The following ESYT2 variants were observed in gnomAD, a reference collection of about 807,000 sequenced individuals.
ESYT2 encodes the protein extended synaptotagmin-2.
Under a neutral mutation model 107.2 loss-of-function variants are expected in ESYT2, and 54 were observed. That is an observed-to-expected ratio of 0.50 (90% CI 0.40 to 0.63). The LOEUF is 0.63. Ranked by LOEUF, ESYT2 falls within the 30% of genes least tolerant of loss-of-function variation. ESYT2 has a pLI of 0.00. For missense variants in ESYT2, 1,020 were observed against 1,094.5 expected, an observed-to-expected ratio of 0.93 and a Z score of 0.96; for synonymous variants, 491 against 434.1, an observed-to-expected ratio of 1.13 and a Z score of -1.63.
intron 1 of ESYT2, among the ~76,000 whole-genome samples, chr7:158,811,846 C>CT (rs1238359294): frequency 3.3e-5 from 5 of 152,198 alleles, no homozygotes; most frequent in Admixed American, 1.3e-4. Flanking sequence ...GCCAAGATCC[C>CT]TGAAAGAGGA....
Position 158,829,445 on chromosome 7 carries a change from C to T in ESYT2, c.-27G>A. 1.7e-6 allele frequency: 2 copies of T among 1,188,916 alleles called. No homozygotes were observed. Among genetic ancestry groups the T allele is most frequent in the South Asian group, 4.0e-5 (1 of 25,188 alleles). 73.6% of individuals were successfully genotyped at this position (1,188,916 alleles called of 1,614,324 possible). On this transcript the variant is annotated 5_prime_UTR_variant, in exon 1 of 23. Transcript: ENST00000275418. ...GCCCCGCAGTGCCGCGCTGCCCTCC[C>T]GGCCGAGGCGGGCTGGGTGCTCGCG... is the stretch of plus-strand genomic sequence containing the variant.
intron 6 of ESYT2, among the ~76,000 whole-genome samples, chr7:158,781,848 CAA>C (rs1017149722): frequency 1.4e-4 from 20 of 143,042 alleles, no homozygotes; most frequent in Non-Finnish European, 2.7e-4. Flanking sequence ...TGTGTGTGAA[CAA>C]AGTGAGGTGT....
intron 15 of ESYT2, 60 bp downstream of exon 15, chr7:158,749,589 G>A: frequency 1.9e-6 from 3 of 1,545,172 alleles, no homozygotes; most frequent in Non-Finnish European, 2.7e-6. Flanking sequence ...AGGTGAGACG[G>A]CAACACGGAC....
At chr7:158,827,900 G>C (rs1462868656) in intron 1 of ESYT2, among the ~76,000 whole-genome samples, 1 of 152,182 alleles carries the variant, frequency 6.6e-6, no homozygotes, top group Admixed American at 6.5e-5. Flanking sequence ...TCATGGCTAA[G>C]AAAGAATTAG....
At chr7:158,736,612 GTTTT>G (rs1294195912) in intron 20 of ESYT2, among the ~76,000 whole-genome samples, 2 of 145,124 alleles carry the variant, frequency 1.4e-5, no homozygotes, top group East Asian at 4.4e-4. Context: ...TTTTCATTAT[GTTTT>G]TTATTTTTGG....
intron 1 of ESYT2, among the ~76,000 whole-genome samples, chr7:158,811,771 C>A (rs1486356053): frequency 6.6e-6 from 1 of 152,160 alleles, no homozygotes; most frequent in African/African-American, 2.4e-5. Context: ...GGTTTATGGA[C>A]GTCTCAGGAG....
intron 14 of ESYT2, among the ~76,000 whole-genome samples, chr7:158,752,024 T>C (rs1054258893): frequency 6.6e-6 from 1 of 152,238 alleles, no homozygotes; most frequent in Non-Finnish European, 1.5e-5. Context: ...TCCTGCACTT[T>C]TGAAATCTAA....
chr7:158,808,858 C>CA (rs923827142), intron 1 of ESYT2, among the ~76,000 whole-genome samples: 1 of 148,928 alleles, frequency 6.7e-6, no homozygotes, highest in Non-Finnish European at 1.5e-5. Flanking sequence ...CCTGTAGTCC[C>CA]AGCTACTTGG....
At chr7:158,822,022 C>T (rs745703110) in intron 1 of ESYT2, among the ~76,000 whole-genome samples, 5 of 152,142 alleles carry the variant, frequency 3.3e-5, no homozygotes, top group African/African-American at 1.2e-4. Flanking sequence ...CTTCTAACTA[C>T]TCTGAGCAGA....
chr7:158,798,208 T>C (rs953095556), intron 2 of ESYT2, 132 bp from the exon 3 acceptor site: 10 of 935,502 alleles, frequency 1.1e-5, no homozygotes, highest in African/African-American at 5.0e-5. Context: ...CTTGTTGTTA[T>C]GCAAAATCAA....
chr7:158,829,070 G>A lies in ESYT2; in HGVS notation c.330+19C>T, dbSNP rs1584897282. 35 of 1,578,914 alleles carry A rather than the reference G, an allele frequency of 2.2e-5. No homozygotes were observed. The highest frequency in any genetic ancestry group is 2.6e-5 in the Non-Finnish European group (31 of 1,172,208). On this transcript the variant is annotated intron_variant, in intron 1 of 22. Transcript: ENST00000275418. The stretch of plus-strand genomic sequence containing the variant: ...GGACTGGTGGTCAGGGGTCGGGACG[G>A]GCAGGGGTCTGCACTCACCCAGGCG...
chr7:158,764,638 GC>G, intron 9 of ESYT2, 38 bp downstream of exon 9: 1 of 1,602,684 alleles, frequency 6.2e-7, no homozygotes, highest in African/African-American at 1.3e-5. Flanking sequence ...TCAGGGCTCA[GC>G]CCACCACCCC....
intron 6 of ESYT2, among the ~76,000 whole-genome samples, chr7:158,776,009 G>C (rs1336214237): frequency 6.6e-6 from 1 of 152,210 alleles, no homozygotes; most frequent in African/African-American, 2.4e-5. Context: ...TTACCTCCTT[G>C]TACACCTGCA....
intron 1 of ESYT2, among the ~76,000 whole-genome samples, chr7:158,823,472 G>A (rs28424095): frequency 0.14 from 20,765 of 148,846 alleles, 2,488 homozygotes; most frequent in East Asian, 0.63. Context: ...GACTACAGGC[G>A]CACACCGCCA....
chr7:158,747,284 C>T (rs1837437380), intron 16 of ESYT2, among the ~76,000 whole-genome samples: 1 of 151,670 alleles, frequency 6.6e-6, no homozygotes, highest in Non-Finnish European at 1.5e-5. Flanking sequence ...GAGGTGGAGG[C>T]TGCAGTGACT....
intron 3 of ESYT2, among the ~76,000 whole-genome samples, chr7:158,797,152 CT>C (rs1318623661): frequency 6.6e-6 from 1 of 152,178 alleles, no homozygotes; most frequent in Non-Finnish European, 1.5e-5. Flanking sequence ...TAATTTGAAG[CT>C]GTCTGTTTTT....
intron 6 of ESYT2, among the ~76,000 whole-genome samples, chr7:158,782,616 TGA>T (rs1303162470): frequency 6.7e-6 from 1 of 148,248 alleles, no homozygotes; most frequent in South Asian, 2.2e-4. Flanking sequence ...GTGTGACAAA[TGA>T]GAACATGTGA....
chr7:158,759,513 C>G lies in ESYT2; in HGVS notation c.1392G>C (p.Leu464Phe). ...NDGLSSALLI[L>F]YLDSARNLPS... ...GAAGGTTCCTTGCTGAATCCAAGTA[C>G]AAGATCAGCAATGCAGAGGAAAGAC... The change falls in exon 13 of 23, where the codon TTG (leucine) becomes TTC (phenylalanine). Residue 464 changes from leucine to phenylalanine, a missense_variant. Transcript: ENST00000275418. 1 of 1,611,452 alleles carries G rather than the reference C, an allele frequency of 6.2e-7. No individual in the cohort carries two copies. Among genetic ancestry groups the G allele is most frequent in the Non-Finnish European group, 8.5e-7 (1 of 1,177,758 alleles).
intron 4 of ESYT2, among the ~76,000 whole-genome samples, chr7:158,793,077 T>A (rs1440035941): frequency 6.6e-6 from 1 of 152,044 alleles, no homozygotes; most frequent in Admixed American, 6.5e-5. Context: ...CCACTGAGTA[T>A]GTTAACTGTG....
Sources: gnomAD v4.1 joint callset for allele counts (sites outside exome capture counted in the v4.1 genomes callset) on GRCh38, gnomAD v4.1.1 for gene constraint, MANE v1.5 for transcripts, NCBI Gene and HGNC (gene_info 2026-07-23, HGNC 2026-07-21) for gene names.